The following RASSF8 variants were observed in gnomAD, a reference collection of about 807,000 sequenced individuals.
RASSF8 encodes Ras association domain family member 8.
Under a neutral mutation model 48.5 loss-of-function variants are expected in RASSF8, and 22 were observed. That is an observed-to-expected ratio of 0.45 (90% CI 0.32 to 0.65). The LOEUF (loss-of-function observed/expected upper bound fraction) is 0.65, where lower values mean the gene tolerates loss of function less well. RASSF8 is among the 30% of genes least tolerant of loss of function. The pLI is 0.03. For missense variants in RASSF8, 418 were observed against 489.2 expected (o/e 0.85, Z 1.37); for synonymous variants, 127 against 171.5 (o/e 0.74, Z 2.03).
chr12:25,969,970 C>A (rs1384340963), intron 1 of RASSF8, among the ~76,000 whole-genome samples: 3 of 152,128 alleles, frequency 2.0e-5, no homozygotes, highest in African/African-American at 7.2e-5. Flanking sequence ...TGCTCGCTCA[C>A]CTGCCTCCTC....
intron 2 of RASSF8, among the ~76,000 whole-genome samples, chr12:26,042,201 A>G (rs1411660895): frequency 6.6e-6 from 1 of 152,228 alleles, no homozygotes; most frequent in Non-Finnish European, 1.5e-5. Flanking sequence ...GGTTAGAAAA[A>G]GAGCACCTGC....
chr12:26,055,387 G>A lies in RASSF8; in HGVS notation c.44G>A (p.Cys15Tyr), dbSNP rs1178100841. 2 of 1,613,986 alleles carry A rather than the reference G, an allele frequency of 1.2e-6. No individual in the cohort carries two copies. Among genetic ancestry groups the A allele is most frequent in the Non-Finnish European group, 1.7e-6 (2 of 1,179,974 alleles). Residue 15 changes from cysteine to tyrosine, a missense_variant, in exon 3 of 6, where the codon TGT becomes TAT. By Grantham distance (194) the Cys-to-Tyr change is radical (BLOSUM62 -2). Transcript: ENST00000689635. ...VWVDGVQRIV[C>Y]GVTEVTTCQE... Reference sequence around the variant, plus strand: ...GTGGATGGAGTTCAGAGGATTGTTTGTGGAGTCACTGAAGTCACAACTTGC... The same window carrying A: ...GTGGATGGAGTTCAGAGGATTGTTTATGGAGTCACTGAAGTCACAACTTGC...
chr12:25,977,525 T>C (rs1393048543), intron 1 of RASSF8, among the ~76,000 whole-genome samples: 1 of 152,196 alleles, frequency 6.6e-6, no homozygotes, highest in African/African-American at 2.4e-5. Context: ...CAGTTCTTGT[T>C]CTTGACCTCA....
intron 2 of RASSF8, among the ~76,000 whole-genome samples, chr12:26,043,490 C>T (rs375689900): frequency 6.6e-6 from 1 of 152,148 alleles, no homozygotes; most frequent in East Asian, 1.9e-4. Context: ...GGAATGGAAT[C>T]CAGTTTTATT....
chr12:26,014,461 T>C (rs1448019072), intron 2 of RASSF8, among the ~76,000 whole-genome samples: 1 of 152,208 alleles, frequency 6.6e-6, no homozygotes, highest in Non-Finnish European at 1.5e-5. Context: ...CGGTGTTTTA[T>C]AGGAAGAACA....
intron 4 of RASSF8, 58 bp downstream of exon 4, chr12:26,065,445 A>C: frequency 6.7e-7 from 1 of 1,494,962 alleles, no homozygotes; most frequent in Non-Finnish European, 8.9e-7. Flanking sequence ...TCTTCTTGGA[A>C]TCTCCTTTTC....
chr12:26,005,213 T>C (rs1360358375), intron 2 of RASSF8, among the ~76,000 whole-genome samples: 2 of 152,046 alleles, frequency 1.3e-5, no homozygotes, highest in African/African-American at 4.8e-5. Flanking sequence ...TTGTTTTGTT[T>C]TGTTTTACAG....
chr12:25,979,780 A>G (rs1222426751), intron 1 of RASSF8, among the ~76,000 whole-genome samples: 1 of 152,192 alleles, frequency 6.6e-6, no homozygotes, highest in Non-Finnish European at 1.5e-5. Context: ...TTGAGTACCC[A>G]TGTTCCTGTT....
chr12:26,052,588 A>G (rs932985874), intron 2 of RASSF8: 17 of 152,154 alleles, frequency 1.1e-4, no homozygotes, highest in Non-Finnish European at 1.9e-4. Context: ...CCAATCCACC[A>G]CACGCACCTA....
intron 2 of RASSF8, chr12:26,052,980 T>C (rs1222392394): frequency 6.6e-6 from 1 of 152,176 alleles, no homozygotes; most frequent in Non-Finnish European, 1.5e-5. Context: ...ATCAGATTTA[T>C]AGAAACAGAA....
intron 1 of RASSF8, among the ~76,000 whole-genome samples, chr12:25,963,321 CAAA>C (rs61607517): frequency 1.6e-4 from 15 of 96,170 alleles, no homozygotes; most frequent in East Asian, 2.7e-4. Flanking sequence ...TTGTTTTAGC[CAAA>C]AAAAAAAAAA....
chr12:26,019,038 G>A (rs1450622653), intron 2 of RASSF8, among the ~76,000 whole-genome samples: 1 of 152,208 alleles, frequency 6.6e-6, no homozygotes, highest in Admixed American at 6.5e-5. Context: ...GAGGTCTTTT[G>A]GGTCATAGGT....
At chr12:26,058,156 A>G (rs1197077352) in intron 3 of RASSF8, among the ~76,000 whole-genome samples, 1 of 152,218 alleles carries the variant, frequency 6.6e-6, no homozygotes, top group Non-Finnish European at 1.5e-5. Context: ...CTGTTTTGAA[A>G]AGTTGACAAC....
Position 26,068,747 on chromosome 12 carries a change from C to T in RASSF8, c.1189C>T (p.Leu397Phe), listed in dbSNP as rs1051596240. The T allele has an allele frequency of 5.2e-6, 8 of 1,537,188 alleles. No individual in the cohort carries two copies. The highest frequency in any genetic ancestry group is 7.0e-6 in the Non-Finnish European group (8 of 1,146,904). Reference protein sequence around the residue: ...SLKRPGSSRQLPSNLRILQNP... With the variant: ...SLKRPGSSRQFPSNLRILQNP... ...GAAGCGACCTGGTTCATCTCGGCAGCTCCCCAGTAATCTCCGCATTCTGCA... is the reference window on the plus strand; with the variant it reads ...GAAGCGACCTGGTTCATCTCGGCAGTTCCCCAGTAATCTCCGCATTCTGCA... The change falls in exon 6 of 6, where the codon CTC becomes TTC. Residue 397 changes from leucine to phenylalanine, a missense_variant. Leu to Phe is a conservative substitution (Grantham distance 22, BLOSUM62 0). Coordinates refer to ENST00000689635, the MANE Select transcript of RASSF8 (RefSeq NM_001394098.1).
chr12:26,064,516 C>T lies in RASSF8; in HGVS notation c.122C>T (p.Thr41Ile). Residue 41 changes from threonine (T) to isoleucine (I), a missense_variant, in exon 4 of 6, where the codon ACC (threonine) becomes ATC (isoleucine). Transcript: ENST00000689635. ...TACATAGGTCGAACTGGAAGGTACA[C>T]CCTTATAGAGAAATGGAGAGATACT... Reference protein sequence around the residue: ...AQAIGRTGRYTLIEKWRDTER... With the variant: ...AQAIGRTGRYILIEKWRDTER... 4 of 1,590,466 alleles carry T rather than the reference C, an allele frequency of 2.5e-6. No homozygotes were observed. Among genetic ancestry groups the T allele is most frequent in the Non-Finnish European group, 3.4e-6 (4 of 1,166,394 alleles).
chr12:26,016,233 T>C (rs1942647192), intron 2 of RASSF8, among the ~76,000 whole-genome samples: 1 of 151,496 alleles, frequency 6.6e-6, no homozygotes, highest in African/African-American at 2.4e-5. Flanking sequence ...TTTGTTTGTT[T>C]GGTTGGTTTT....
chr12:26,058,538 G>GCACGCA (rs1555169648), intron 3 of RASSF8, among the ~76,000 whole-genome samples: 36 of 149,104 alleles, frequency 2.4e-4, no homozygotes, highest in Non-Finnish European at 3.4e-4. Context: ...ACGCGCGCGC[G>GCACGCA]CACACACACA....
At chr12:26,028,677 C>T (rs546488552) in intron 2 of RASSF8, among the ~76,000 whole-genome samples, 8 of 152,236 alleles carry the variant, frequency 5.3e-5, no homozygotes, top group African/African-American at 1.4e-4. Flanking sequence ...TGGTTGTCAG[C>T]TCCTTCTTGT....
chr12:26,057,106 G>GTGTGTGTGTGTA (rs756575490), intron 3 of RASSF8, among the ~76,000 whole-genome samples: 264 of 130,868 alleles, frequency 2.0e-3, no homozygotes, highest in Middle Eastern at 7.6e-3. Flanking sequence ...ACTTTTGTGT[G>GTGTGTGTGTGTA]TGTGTGTGTG....
Sources: gnomAD v4.1 joint callset for allele counts (sites outside exome capture counted in the v4.1 genomes callset) on GRCh38, gnomAD v4.1.1 for gene constraint, MANE v1.5 for transcripts, NCBI Gene and HGNC (gene_info 2026-07-23, HGNC 2026-07-21) for gene names.